Variants in WDR72 observed in about 807,000 individuals in gnomAD.
The protein encoded by WDR72 is WD repeat-containing protein 72.
WDR72 carries 120 observed loss-of-function variants against 124.2 expected under a neutral mutation model. The observed-to-expected ratio is 0.97, with a 90% CI of 0.83 to 1.12. The LOEUF (loss-of-function observed/expected upper bound fraction) is 1.12. Among genes scored for constraint, WDR72 ranks in the 50% most tolerant of loss-of-function variants. WDR72 has a pLI of 0.00. For missense variants in WDR72, 1,387 were observed against 1,278.8 expected (o/e 1.08, Z -1.29); for synonymous variants, 452 against 441.7 (o/e 1.02, Z -0.29).
At chr15:53,523,071 G>A in intron 19 of WDR72, 147 bp downstream of exon 19, 1 of 771,256 alleles carries the variant, frequency 1.3e-6, no homozygotes, top group South Asian at 1.4e-5. Flanking sequence ...TCCACACTGT[G>A]ACCCCTGGAG....
chr15:53,639,631 T>C (rs986558579), intron 14 of WDR72, among the ~76,000 whole-genome samples: 1 of 151,516 alleles, frequency 6.6e-6, no homozygotes, highest in Non-Finnish European at 1.5e-5. Context: ...ATCTCCTAAC[T>C]GCAGTGTGTG....
chr15:53,596,168 T>C (rs1044783044), intron 18 of WDR72, among the ~76,000 whole-genome samples: 1 of 152,164 alleles, frequency 6.6e-6, no homozygotes, highest in African/African-American at 2.4e-5. Flanking sequence ...ATAAAAGAAG[T>C]ACTTAACAAT....
At position 53,513,762 on chromosome 15, in the gene WDR72, A is replaced by G. The variant is rs34384996; in HGVS notation, c.*3937T>C. ...GTAATCAAGATAAATATATTTTAAT[A>G]CAATATTTATAAAAATTAAATTACT... is the stretch of plus-strand genomic sequence containing the variant. On this transcript the variant is annotated 3_prime_UTR_variant, in exon 20 of 20. Coordinates refer to ENST00000360509, the MANE Select transcript of WDR72 (RefSeq NM_182758.4). 1 of 152,168 alleles carries G rather than the reference A, an allele frequency of 6.6e-6. No individual in the cohort carries two copies. The highest frequency in any genetic ancestry group is 6.5e-5 in the Admixed American group (1 of 15,274). 9.4% of individuals were successfully genotyped at this position (152,168 alleles called of 1,614,324 possible).
intron 18 of WDR72, among the ~76,000 whole-genome samples, chr15:53,537,665 T>C (rs1183953490): frequency 2.6e-5 from 4 of 152,320 alleles, no homozygotes; most frequent in Non-Finnish European, 1.5e-5. Flanking sequence ...GGCTCAAATG[T>C]AGACAGTCTA....
At chr15:53,580,327 G>A (rs927126231) in intron 18 of WDR72, among the ~76,000 whole-genome samples, 1 of 151,960 alleles carries the variant, frequency 6.6e-6, no homozygotes, top group Admixed American at 6.6e-5. Flanking sequence ...ATATCTTCAG[G>A]GGCCACTAAA....
chr15:53,628,576 T>C (rs1034279717), intron 14 of WDR72, among the ~76,000 whole-genome samples: 7 of 152,116 alleles, frequency 4.6e-5, no homozygotes, highest in African/African-American at 1.7e-4. Flanking sequence ...TTATAAGAAG[T>C]TAACTTTAAA....
chr15:53,755,666 A>T (rs1241274763), intron 1 of WDR72, among the ~76,000 whole-genome samples: 1 of 152,190 alleles, frequency 6.6e-6, no homozygotes, highest in Admixed American at 6.5e-5. Flanking sequence ...TGAAGGCCCC[A>T]CTTCCTGTCC....
intron 18 of WDR72, among the ~76,000 whole-genome samples, chr15:53,576,686 G>A (rs1043441725): frequency 2.0e-5 from 3 of 152,012 alleles, no homozygotes; most frequent in Non-Finnish European, 2.9e-5. Flanking sequence ...AGATTCCTAT[G>A]GGAACCTAGG....
At chr15:53,613,305 ATAAG>A (rs1472953937) in intron 16 of WDR72, among the ~76,000 whole-genome samples, 1 of 152,166 alleles carries the variant, frequency 6.6e-6, no homozygotes. Context: ...TACTTAACAT[ATAAG>A]TATTTCCTTT....
At chr15:53,596,817 T>C (rs554988678) in intron 18 of WDR72, among the ~76,000 whole-genome samples, 1 of 152,146 alleles carries the variant, frequency 6.6e-6, no homozygotes, top group African/African-American at 2.4e-5. Flanking sequence ...ACTGTGAACT[T>C]ACATTTTCAA....
intron 14 of WDR72, among the ~76,000 whole-genome samples, chr15:53,629,263 GA>G (rs770021484): frequency 3.8e-4 from 57 of 151,908 alleles, no homozygotes; most frequent in African/African-American, 1.4e-3. Flanking sequence ...AAACCCAAGA[GA>G]AAAAATTTTT....
upstream of WDR72, among the ~76,000 whole-genome samples, chr15:53,761,679 T>C (rs1567069795): frequency 1.3e-5 from 2 of 152,022 alleles, no homozygotes; most frequent in Admixed American, 6.6e-5. Context: ...ATACAAAAAT[T>C]AGCCAGGCGT....
chr15:53,564,771 C>T (rs1050787228), intron 18 of WDR72, among the ~76,000 whole-genome samples: 1 of 151,854 alleles, frequency 6.6e-6, no homozygotes, highest in East Asian at 1.9e-4. Flanking sequence ...TTTCCAGTCA[C>T]GTGGGTAAGC....
intron 9 of WDR72, among the ~76,000 whole-genome samples, chr15:53,709,931 T>C (rs1188733176): frequency 6.6e-6 from 1 of 152,192 alleles, no homozygotes; most frequent in Non-Finnish European, 1.5e-5. Context: ...ACATCAATAA[T>C]TCAAAACTCT....
chr15:53,598,224 T>G (rs1409535032), intron 17 of WDR72, among the ~76,000 whole-genome samples: 1 of 77,946 alleles, frequency 1.3e-5, no homozygotes, highest in African/African-American at 3.0e-5. Context: ...TTCATATAGC[T>G]ACATCCCAGT....
At chr15:53,542,672 T>C (rs1893210369) in intron 18 of WDR72, among the ~76,000 whole-genome samples, 1 of 35,428 alleles carries the variant, frequency 2.8e-5, no homozygotes, top group South Asian at 1.5e-3. Flanking sequence ...ATGGACTAAA[T>C]GCTCCAATTA....
chr15:53,670,045 G>A (rs773037411), intron 13 of WDR72, among the ~76,000 whole-genome samples: 10 of 152,162 alleles, frequency 6.6e-5, no homozygotes, highest in Non-Finnish European at 1.3e-4. Context: ...AAGCATTACT[G>A]AAAGTTACAC....
At chr15:53,704,829 A>AC (rs1052169676) in intron 11 of WDR72, among the ~76,000 whole-genome samples, 159 bp downstream of exon 11, 2 of 151,310 alleles carry the variant, frequency 1.3e-5, no homozygotes, top group African/African-American at 4.9e-5. Context: ...AAAAAAAAAA[A>AC]AAACCTATAT....
chr15:53,666,117 T>C (rs2015772657), intron 13 of WDR72, among the ~76,000 whole-genome samples: 1 of 152,180 alleles, frequency 6.6e-6, no homozygotes, highest in Non-Finnish European at 1.5e-5. Context: ...CCCCTAGTGT[T>C]CCAACTCACA....
Sources: allele counts gnomAD v4.1 joint callset (sites outside exome capture counted in the v4.1 genomes callset), GRCh38; gene constraint gnomAD v4.1.1; transcripts MANE v1.5; gene names NCBI Gene and HGNC (gene_info 2026-07-23, HGNC 2026-07-21).